Variants in CREB5 observed in about 807,000 individuals in gnomAD.
The protein encoded by CREB5 is cAMP responsive element binding protein 5, also known as cyclic AMP-responsive element-binding protein 5.
In CREB5, 19 loss-of-function variants were observed where a neutral mutation model predicts 57.1. The observed-to-expected ratio is 0.33, with a 90% CI of 0.23 to 0.49. CREB5 has a LOEUF of 0.49. Ranked by LOEUF, CREB5 falls within the 20% of genes least tolerant of loss-of-function variation. The pLI is 0.99. For missense variants in CREB5, 579 were observed against 671.6 expected (o/e 0.86, Z 1.52); for synonymous variants, 238 against 238.3 (o/e 1.00, Z 0.01).
At chr7:28,671,112 A>G (rs894461070) in intron 5 of CREB5, among the ~76,000 whole-genome samples, 2 of 151,960 alleles carry the variant, frequency 1.3e-5, no homozygotes, top group African/African-American at 4.8e-5. Context: ...AAAATTTTTA[A>G]AAATGAGCAG....
chr7:28,571,209 C>A lies in CREB5; in HGVS notation c.464+672C>A, dbSNP rs160353. On this transcript the variant is annotated intron_variant, in intron 5 of 10. Transcript: ENST00000357727. Reference sequence around the variant, plus strand: ...TCATCATGCTACTCAGAATGGTGAGCAGTTTAAAACTTGTGAATTGTTTAT... The same window carrying A: ...TCATCATGCTACTCAGAATGGTGAGAAGTTTAAAACTTGTGAATTGTTTAT... Among the ~76,000 whole-genome samples the A allele has an allele frequency of 7.4e-3, 1,125 of 152,242 alleles. 11 individuals are homozygous for A. The highest frequency in any genetic ancestry group is 0.026 in the African/African-American group (1,082 of 41,534).
At position 28,819,198 on chromosome 7, in the gene CREB5, C is replaced by G. The variant is rs1440893940; in HGVS notation, c.1446C>G (p.Ser482=). 6.2e-7 allele frequency: 1 copy of G among 1,613,788 alleles called. No homozygotes were observed. Among genetic ancestry groups the G allele is most frequent in the African/African-American group, 1.3e-5 (1 of 74,878 alleles). Residue 482 remains serine (S), a synonymous_variant, in exon 11 of 11, where the codon TCC becomes TCG. Coordinates refer to ENST00000357727, the MANE Select transcript of CREB5 (RefSeq NM_182898.4). ...TCCAGCATAATACCATCACTACTTC[C>G]TCATCGGTCAGCGAGGTGGTAGGAA... ...QVIQHNTITT[S]SSVSEVVGSS... is the part of the protein sequence containing the mutation.
chr7:28,560,939 T>TGTGTGTGC (rs1795200594), intron 4 of CREB5, among the ~76,000 whole-genome samples: 1 of 31,896 alleles, frequency 3.1e-5, no homozygotes, highest in African/African-American at 1.4e-4. Flanking sequence ...CGTGTGTGCG[T>TGTGTGTGC]GCGTGTGTGT....
At chr7:28,776,997 ACTAGAAAC>A (rs1806692385) in intron 7 of CREB5, among the ~76,000 whole-genome samples, 1 of 152,202 alleles carries the variant, frequency 6.6e-6, no homozygotes, top group Non-Finnish European at 1.5e-5. Flanking sequence ...GAATAATGTG[ACTAGAAAC>A]CTTCATGCAC....
intron 5 of CREB5, among the ~76,000 whole-genome samples, chr7:28,675,753 A>T (rs1800288496): frequency 6.6e-6 from 1 of 151,960 alleles, no homozygotes; most frequent in Non-Finnish European, 1.5e-5. Context: ...ATCCTGTTTC[A>T]GCTTGGGATA....
chr7:28,310,829 C>A (rs975569986), intron 1 of CREB5, among the ~76,000 whole-genome samples: 1 of 152,174 alleles, frequency 6.6e-6, no homozygotes, highest in Non-Finnish European at 1.5e-5. Context: ...ATTACAAAAT[C>A]ATTATTACAC....
chr7:28,345,661 C>T (rs1786044137), intron 1 of CREB5, among the ~76,000 whole-genome samples: 1 of 152,142 alleles, frequency 6.6e-6, no homozygotes, highest in African/African-American at 2.4e-5. Flanking sequence ...TTAGCAATAT[C>T]TTGTGTTGGT....
chr7:28,597,115 T>C (rs1290147031), intron 5 of CREB5, among the ~76,000 whole-genome samples: 1 of 152,226 alleles, frequency 6.6e-6, no homozygotes, highest in African/African-American at 2.4e-5. Context: ...ATTGGTTCCA[T>C]TATCTCCTTG....
chr7:28,327,024 C>T (rs1350097241), intron 1 of CREB5, among the ~76,000 whole-genome samples: 8 of 151,896 alleles, frequency 5.3e-5, no homozygotes, highest in Middle Eastern at 3.4e-3. Context: ...TGGCAGATGC[C>T]TGTAATCCCA....
At chr7:28,495,108 A>ATGTGT in intron 3 of CREB5, 109 bp downstream of exon 3, 4 of 643,104 alleles carry the variant, frequency 6.2e-6, no homozygotes, top group Non-Finnish European at 1.0e-5. Context: ...GCACCTTGAA[A>ATGTGT]ATACACATTT....
At chr7:28,477,627 A>G (rs1791136557) in intron 1 of CREB5, among the ~76,000 whole-genome samples, 2 of 152,192 alleles carry the variant, frequency 1.3e-5, no homozygotes, top group Admixed American at 1.3e-4. Context: ...CTTTTGATGA[A>G]TTGGAGTCTG....
intron 5 of CREB5, among the ~76,000 whole-genome samples, chr7:28,578,671 G>A (rs1162165597): frequency 4.6e-5 from 7 of 152,174 alleles, no homozygotes; most frequent in Admixed American, 1.3e-4. Flanking sequence ...AATTAAAAAA[G>A]AAGCATTAAT....
At chr7:28,622,464 G>T (rs761062618) in intron 5 of CREB5, among the ~76,000 whole-genome samples, 5 of 152,148 alleles carry the variant, frequency 3.3e-5, no homozygotes, top group African/African-American at 1.2e-4. Flanking sequence ...ATGCAAAGGC[G>T]TAGAAAGAAC....
At chr7:28,635,621 A>C (rs1043611144) in intron 5 of CREB5, among the ~76,000 whole-genome samples, 11 of 152,226 alleles carry the variant, frequency 7.2e-5, no homozygotes, top group African/African-American at 2.2e-4. Flanking sequence ...TTCAGTCAAC[A>C]CTATTCTTTC....
intron 7 of CREB5, among the ~76,000 whole-genome samples, chr7:28,727,569 A>G (rs915715838): frequency 6.6e-6 from 1 of 152,202 alleles, no homozygotes; most frequent in African/African-American, 2.4e-5. Context: ...AGTTATGTAG[A>G]TATGTGTTCA....
At chr7:28,628,800 A>G (rs1021977961) in intron 5 of CREB5, among the ~76,000 whole-genome samples, 2 of 152,230 alleles carry the variant, frequency 1.3e-5, no homozygotes, top group African/African-American at 2.4e-5. Context: ...CTCATTGGCC[A>G]GACACTGTGC....
chr7:28,636,055 G>C (rs779610121), intron 5 of CREB5, among the ~76,000 whole-genome samples: 2 of 152,242 alleles, frequency 1.3e-5, no homozygotes, highest in Non-Finnish European at 2.9e-5. Context: ...TGAAACCTTA[G>C]AGATCATCTC....
intron 7 of CREB5, among the ~76,000 whole-genome samples, chr7:28,793,024 T>C (rs1807818142): frequency 6.6e-6 from 1 of 152,158 alleles, no homozygotes; most frequent in Non-Finnish European, 1.5e-5. Flanking sequence ...GGACCACTAA[T>C]AGCAAGCCAA....
intron 5 of CREB5, among the ~76,000 whole-genome samples, chr7:28,695,437 G>A (rs1253071274): frequency 6.6e-6 from 1 of 152,126 alleles, no homozygotes; most frequent in Non-Finnish European, 1.5e-5. Flanking sequence ...TGGGGATGGT[G>A]GGGTGGGAGG....
Sources: gnomAD v4.1 joint callset for allele counts (sites outside exome capture counted in the v4.1 genomes callset) on GRCh38, gnomAD v4.1.1 for gene constraint, MANE v1.5 for transcripts, NCBI Gene and HGNC (gene_info 2026-07-23, HGNC 2026-07-21) for gene names.